TRIP4: variants seen among roughly 807,000 people sequenced by gnomAD.
TRIP4 encodes the protein activating signal cointegrator 1.
Under a neutral mutation model 81.8 loss-of-function variants are expected in TRIP4, and 54 were observed. The observed-to-expected ratio is 0.66, with a 90% CI of 0.53 to 0.83. The LOEUF (loss-of-function observed/expected upper bound fraction) is 0.83, where lower values mean the gene tolerates loss of function less well. TRIP4 is among the 40% of genes least tolerant of loss of function. The pLI, the probability that TRIP4 is intolerant of heterozygous loss-of-function variation, is 0.00. For synonymous variants in TRIP4, 270 were observed against 242.8 expected, an observed-to-expected ratio of 1.11 and a Z score of -1.04; for missense variants, 662 against 683.6, an observed-to-expected ratio of 0.97 and a Z score of 0.35.
chr15:64,447,216 C>T (rs866901399), intron 12 of TRIP4, among the ~76,000 whole-genome samples: 4 of 152,224 alleles, frequency 2.6e-5, no homozygotes, highest in Non-Finnish European at 5.9e-5. Flanking sequence ...CCCATTTGCT[C>T]ATGTCAGTTA....
chr15:64,401,643 A>G (rs1381323462), intron 5 of TRIP4, among the ~76,000 whole-genome samples: 1 of 152,220 alleles, frequency 6.6e-6, no homozygotes, highest in Non-Finnish European at 1.5e-5. Context: ...ACAGCAAAAT[A>G]AATAATAGTA....
chr15:64,455,045 A>G lies in TRIP4; in HGVS notation c.1727A>G (p.Lys576Arg). 1 of 1,614,094 alleles carries G rather than the reference A, an allele frequency of 6.2e-7. No homozygotes were observed. The highest frequency in any genetic ancestry group is 8.5e-7 in the Non-Finnish European group (1 of 1,179,968). ...CAAGGAGCAAAGAAGGGGTTAATGA[A>G]GCAGAATAAAGCTGTCTGACCCAGG... is the stretch of plus-strand genomic sequence containing the variant. ...IHQGAKKGLM[K>R]QNKAV The change falls in exon 13 of 13, where the codon AAG (lysine) becomes AGG (arginine). Residue 576 changes from lysine (K) to arginine (R), a missense_variant. Transcript: ENST00000261884.
chr15:64,390,188 G>A (rs906523337), intron 1 of TRIP4, among the ~76,000 whole-genome samples: 6 of 149,976 alleles, frequency 4.0e-5, no homozygotes, highest in Admixed American at 6.7e-5. Context: ...GTGGCCAGGC[G>A]CAGTGGTTCA....
intron 11 of TRIP4, among the ~76,000 whole-genome samples, chr15:64,433,837 G>T (rs1427157920): frequency 1.3e-5 from 2 of 152,296 alleles, no homozygotes; most frequent in South Asian, 4.1e-4. Flanking sequence ...CCCGTGGGAT[G>T]CATGTGGTCC....
chr15:64,397,317 G>A (rs771875895), intron 3 of TRIP4, among the ~76,000 whole-genome samples: 1 of 152,160 alleles, frequency 6.6e-6, no homozygotes, highest in Non-Finnish European at 1.5e-5. Context: ...TGTGCTTAAA[G>A]ATGTCATATA....
At chr15:64,411,219 G>A (rs1488408073) in intron 7 of TRIP4, among the ~76,000 whole-genome samples, 2 of 152,138 alleles carry the variant, frequency 1.3e-5, no homozygotes, top group Non-Finnish European at 1.5e-5. Context: ...TCTGTATGTA[G>A]TTATAATGGT....
At chr15:64,437,126 T>C (rs971480944) in intron 11 of TRIP4, among the ~76,000 whole-genome samples, 10 of 151,770 alleles carry the variant, frequency 6.6e-5, no homozygotes, top group African/African-American at 1.5e-4. Context: ...ATGGTAGATA[T>C]ATGAAAAATC....
intron 6 of TRIP4, among the ~76,000 whole-genome samples, chr15:64,407,108 G>C (rs1403203443): frequency 1.3e-5 from 2 of 151,862 alleles, no homozygotes; most frequent in East Asian, 3.9e-4. Context: ...AAAAATGTTT[G>C]GATAGGATTT....
At chr15:64,414,512 C>CTTTTTTTTTTTTTTTT (rs869202504) in intron 8 of TRIP4, among the ~76,000 whole-genome samples, 2 of 87,024 alleles carry the variant, frequency 2.3e-5, no homozygotes, top group African/African-American at 8.7e-5. Context: ...TGCTCTTTCT[C>CTTTTTTTTTTTTTTTT]TTTTTTTTTT....
intron 11 of TRIP4, among the ~76,000 whole-genome samples, chr15:64,431,609 G>A (rs1237696224): frequency 1.3e-5 from 2 of 151,668 alleles, no homozygotes; most frequent in Non-Finnish European, 2.9e-5. Context: ...GGGAGGCTGA[G>A]GCAGGAGAAT....
intron 10 of TRIP4, among the ~76,000 whole-genome samples, chr15:64,424,561 G>A (rs539142656): frequency 2.0e-4 from 31 of 152,218 alleles, no homozygotes; most frequent in South Asian, 1.0e-3. Flanking sequence ...TTTAAGCAAC[G>A]TATTTTGGGA....
In TRIP4 at chr15:64,455,202, C is replaced by T. The variant is rs1892858721; in HGVS notation, c.*138C>T. ...AATATCTCAGAACTTAAACTCTTAC[C>T]AAAATCTGTATATTTTTCTTAAGGA... On this transcript the variant is annotated 3_prime_UTR_variant, in exon 13 of 13. Coordinates refer to ENST00000261884, the MANE Select transcript of TRIP4 (RefSeq NM_016213.5). 4.8e-6 allele frequency: 3 copies of T among 623,228 alleles called. 1 individual carries two copies. The East Asian group carries it at 9.0e-5, about 19-fold the overall frequency. 38.6% of individuals were successfully genotyped at this position (623,228 alleles called of 1,614,324 possible).
intron 11 of TRIP4, among the ~76,000 whole-genome samples, chr15:64,433,001 A>C (rs1173083616): frequency 1.3e-5 from 2 of 152,178 alleles, no homozygotes; most frequent in Non-Finnish European, 2.9e-5. Flanking sequence ...TAAGAGAAAC[A>C]AAAGGATGAA....
chr15:64,417,651 T>C (rs1225565945), intron 8 of TRIP4, among the ~76,000 whole-genome samples: 4 of 152,210 alleles, frequency 2.6e-5, no homozygotes, highest in Admixed American at 6.5e-5. Context: ...TCTTTTTATA[T>C]GATGGGAGCC....
intron 9 of TRIP4, among the ~76,000 whole-genome samples, chr15:64,421,061 G>C (rs1016756038): frequency 6.6e-6 from 1 of 150,914 alleles, no homozygotes; most frequent in Non-Finnish European, 1.5e-5. Context: ...TGTAATCCCA[G>C]CACTTTAGGA....
At position 64,418,634 on chromosome 15, in the gene TRIP4, A is replaced by G. The variant is rs2140297441; in HGVS notation, c.1264A>G (p.Ile422Val). ...CAACTCATTTCAGCACCAGTTGCGA[A>G]TCCAGGATCAAGAATTTCAGGAAGG... ...EFNSFQHQLR[I>V]QDQEFQEGFD... The change falls in exon 9 of 13, where the codon ATC (isoleucine) becomes GTC (valine). Residue 422 changes from isoleucine to valine, a missense_variant. Coordinates refer to ENST00000261884, the MANE Select transcript of TRIP4 (RefSeq NM_016213.5). 1 of 1,613,994 alleles carries G rather than the reference A, an allele frequency of 6.2e-7. No individual in the cohort carries two copies.
chr15:64,454,217 T>A (rs920488988), intron 12 of TRIP4, among the ~76,000 whole-genome samples: 13 of 152,080 alleles, frequency 8.5e-5, no homozygotes, highest in African/African-American at 2.9e-4. Flanking sequence ...ATGAGACTTT[T>A]TGTGGGAGAA....
At chr15:64,452,654 GTTTTACTCAAATC>G (rs1015171020) in intron 12 of TRIP4, among the ~76,000 whole-genome samples, 6 of 152,140 alleles carry the variant, frequency 3.9e-5, no homozygotes, top group Non-Finnish European at 7.4e-5. Context: ...TATGGAAGTT[GTTTTACTCAAATC>G]TTTCTGGCAC....
intron 12 of TRIP4, chr15:64,445,340 C>A: frequency 3.8e-6 from 1 of 263,960 alleles, no homozygotes; most frequent in East Asian, 8.2e-5. Flanking sequence ...AAAATCTTCC[C>A]TTTTGGCCGG....
Sources: gnomAD v4.1 joint callset for allele counts (sites outside exome capture counted in the v4.1 genomes callset) on GRCh38, gnomAD v4.1.1 for gene constraint, MANE v1.5 for transcripts, NCBI Gene and HGNC (gene_info 2026-07-23, HGNC 2026-07-21) for gene names.